The following ADAM22 variants were observed in gnomAD, a reference collection of about 807,000 sequenced individuals.
ADAM22 encodes the protein ADAM metallopeptidase domain 22.
ADAM22 carries 65 observed loss-of-function variants against 144.6 expected under a neutral mutation model. The ratio of observed to expected loss-of-function variants is 0.45; its 90% CI spans 0.37 to 0.55. The LOEUF is 0.55. Ranked by LOEUF, ADAM22 falls within the 20% of genes least tolerant of loss-of-function variation. ADAM22 has a pLI of 0.00. For synonymous variants in ADAM22, 391 were observed against 412.6 expected (o/e 0.95, Z 0.63); for missense variants, 974 against 1,184.9 (o/e 0.82, Z 2.61).
chr7:87,973,352 G>T (rs1408792094), intron 2 of ADAM22, among the ~76,000 whole-genome samples: 1 of 152,078 alleles, frequency 6.6e-6, no homozygotes, highest in Non-Finnish European at 1.5e-5. Flanking sequence ...CACCATCACT[G>T]GCCATCAGAG....
At chr7:87,955,855 C>CTGCTGCCT (rs1461178775) in intron 2 of ADAM22, among the ~76,000 whole-genome samples, 1 of 152,220 alleles carries the variant, frequency 6.6e-6, no homozygotes, top group Non-Finnish European at 1.5e-5. Context: ...CCCAGCCTCG[C>CTGCTGCCT]TGCTGCCTTG....
intron 2 of ADAM22, among the ~76,000 whole-genome samples, chr7:87,938,847 C>T (rs1353406906): frequency 6.6e-6 from 1 of 152,108 alleles, no homozygotes; most frequent in East Asian, 1.9e-4. Flanking sequence ...GACAGGGTTT[C>T]ACCATGTTAG....
intron 3 of ADAM22, among the ~76,000 whole-genome samples, chr7:88,038,962 G>A (rs368303399): frequency 1.8e-4 from 28 of 151,558 alleles, no homozygotes; most frequent in African/African-American, 6.5e-4. Context: ...TTAGTTTTTT[G>A]TAGAGGTTGG....
intron 2 of ADAM22, among the ~76,000 whole-genome samples, chr7:87,966,721 GTTTTTTTTTTTT>G (rs71120012): frequency 0.043 from 1,724 of 39,892 alleles, 15 homozygotes; most frequent in Non-Finnish European, 0.057. Context: ...AAGGAAAGCC[GTTTTTTTTTTTT>G]TTTTTTTTTT....
chr7:87,984,062 T>C lies in ADAM22; in HGVS notation c.323+5650T>C, dbSNP rs1584816860. Among the ~76,000 whole-genome samples the C allele has an allele frequency of 2.0e-5, 3 of 152,330 alleles. No individual in the cohort carries two copies. The South Asian group carries it at 6.2e-4, about 32-fold the overall frequency. On this transcript the variant is annotated intron_variant, in intron 3 of 31. Transcript: ENST00000413139. ...ATAATTCATTGTTTTGTCCCATATG[T>C]TGCTGGCTTCTCTGGTTGTGACTAT...
intron 29 of ADAM22, among the ~76,000 whole-genome samples, chr7:88,183,099 A>T (rs1847486279): frequency 6.6e-6 from 1 of 152,174 alleles, no homozygotes; most frequent in Non-Finnish European, 1.5e-5. Context: ...GTCAACATGG[A>T]TACTTTATAG....
intron 4 of ADAM22, among the ~76,000 whole-genome samples, chr7:88,105,208 A>AT: frequency 6.6e-6 from 1 of 151,858 alleles, no homozygotes; most frequent in Non-Finnish European, 1.5e-5. Flanking sequence ...ATTCTCGAGA[A>AT]TTTTTTTTGT....
chr7:88,181,899 T>C, intron 28 of ADAM22, 59 bp from the exon 29 acceptor site: 1 of 1,480,604 alleles, frequency 6.8e-7, no homozygotes. Flanking sequence ...TGCCTCGTAA[T>C]TAGACATAGG....
At chr7:88,144,728 T>A (rs1835838696) in intron 15 of ADAM22, among the ~76,000 whole-genome samples, 2 of 152,134 alleles carry the variant, frequency 1.3e-5, no homozygotes, top group Admixed American at 1.3e-4. Flanking sequence ...ACGTAAGTAC[T>A]TGAGCCAAGA....
intron 3 of ADAM22, among the ~76,000 whole-genome samples, chr7:88,006,015 C>G (rs1050275022): frequency 6.6e-6 from 1 of 152,076 alleles, no homozygotes; most frequent in Non-Finnish European, 1.5e-5. Context: ...ACTTTCTAAT[C>G]ATTTCTCTTA....
intron 2 of ADAM22, among the ~76,000 whole-genome samples, chr7:87,941,691 C>T (rs1035511113): frequency 3.3e-5 from 5 of 152,038 alleles, no homozygotes; most frequent in African/African-American, 4.8e-5. Context: ...GTAGGAGTTT[C>T]CCTTAGTCTT....
chr7:88,150,233 G>A (rs1204473547), intron 18 of ADAM22, among the ~76,000 whole-genome samples: 6 of 152,210 alleles, frequency 3.9e-5, no homozygotes, highest in African/African-American at 1.4e-4. Flanking sequence ...AGTTCAATTT[G>A]CATTTCACTT....
chr7:88,002,012 C>T (rs1256814082), intron 3 of ADAM22, among the ~76,000 whole-genome samples: 1 of 151,906 alleles, frequency 6.6e-6, no homozygotes, highest in Non-Finnish European at 1.5e-5. Flanking sequence ...TCTGCTTGAC[C>T]TGGCAGAGTT....
intron 2 of ADAM22, among the ~76,000 whole-genome samples, chr7:87,940,020 C>T (rs1054156549): frequency 2.0e-5 from 3 of 151,800 alleles, no homozygotes; most frequent in African/African-American, 7.3e-5. Context: ...TGGTGAAACC[C>T]GCCTCTATGA....
At chr7:88,174,780 G>A (rs1201656303) in intron 26 of ADAM22, among the ~76,000 whole-genome samples, 1 of 152,002 alleles carries the variant, frequency 6.6e-6, no homozygotes, top group Non-Finnish European at 1.5e-5. Context: ...TTCACTTTAA[G>A]CAGAATGCCC....
intron 3 of ADAM22, among the ~76,000 whole-genome samples, chr7:88,051,374 A>C (rs1328266604): frequency 3.3e-5 from 5 of 152,222 alleles, no homozygotes; most frequent in Non-Finnish European, 5.9e-5. Flanking sequence ...TGCAGCCATA[A>C]AAAATGATGA....
chr7:88,096,324 T>C (rs1284125299), intron 4 of ADAM22, among the ~76,000 whole-genome samples: 1 of 151,928 alleles, frequency 6.6e-6, no homozygotes, highest in Admixed American at 6.5e-5. Context: ...AATTTCCTTT[T>C]TTCTGCTCTG....
intron 25 of ADAM22, among the ~76,000 whole-genome samples, chr7:88,171,035 A>G (rs546917651): frequency 1.1e-4 from 17 of 152,056 alleles, no homozygotes; most frequent in Admixed American, 9.2e-4. Flanking sequence ...ACTCACTCCT[A>G]TTTATCATAC....
chr7:88,142,307 G>A (rs1204047465), intron 14 of ADAM22, among the ~76,000 whole-genome samples: 1 of 152,080 alleles, frequency 6.6e-6, no homozygotes, highest in African/African-American at 2.4e-5. Context: ...TGTCTCTTTA[G>A]CTTCTTTCAG....
Sources: gnomAD v4.1 joint callset for allele counts (sites outside exome capture counted in the v4.1 genomes callset) on GRCh38, gnomAD v4.1.1 for gene constraint, MANE v1.5 for transcripts, NCBI Gene and HGNC (gene_info 2026-07-23, HGNC 2026-07-21) for gene names.